Variants in RNF13 observed in about 807,000 individuals in gnomAD.
RNF13 encodes ring finger protein 13, also known as E3 ubiquitin-protein ligase RNF13.
In RNF13, 19 loss-of-function variants were observed where a neutral mutation model predicts 37.7. The ratio of observed to expected loss-of-function variants is 0.50; its 90% CI spans 0.35 to 0.74. The LOEUF (loss-of-function observed/expected upper bound fraction) is 0.74. Among genes scored for constraint, RNF13 ranks in the 30% least tolerant of loss-of-function variants. RNF13 has a pLI of 0.01. For synonymous variants in RNF13, 144 were observed against 157.8 expected (o/e 0.91, Z 0.65); for missense variants, 375 against 453.0 (o/e 0.83, Z 1.56).
At chr3:149,864,994 A>G (rs545065646) in intron 3 of RNF13, among the ~76,000 whole-genome samples, 1 of 152,256 alleles carries the variant, frequency 6.6e-6, no homozygotes, top group East Asian at 1.9e-4. Flanking sequence ...GAAGATATTT[A>G]TTAATTTATA....
chr3:149,937,958 C>T (rs987764591), intron 8 of RNF13, among the ~76,000 whole-genome samples: 2 of 151,994 alleles, frequency 1.3e-5, no homozygotes, highest in African/African-American at 4.8e-5. Flanking sequence ...ACTGGTGCTG[C>T]TGTTGAGTTC....
chr3:149,941,218 A>C (rs1720224819), intron 8 of RNF13, among the ~76,000 whole-genome samples: 1 of 152,120 alleles, frequency 6.6e-6, no homozygotes, highest in African/African-American at 2.4e-5. Flanking sequence ...ATATATCCAG[A>C]AGTGGGATTG....
intron 5 of RNF13, 53 bp from the exon 6 acceptor site, chr3:149,902,018 GA>G: frequency 1.3e-6 from 1 of 753,328 alleles, no homozygotes; most frequent in African/African-American, 1.8e-5. Context: ...AAGAAAAGTT[GA>G]TTATACACTA....
At position 149,938,726 on chromosome 3, in the gene RNF13, C is replaced by T. The variant is rs562613119; in HGVS notation, c.700+17499C>T. Among the ~76,000 whole-genome samples the T allele has an allele frequency of 6.6e-5, 10 of 152,138 alleles. 1 individual carries two copies. In the South Asian group the frequency reaches 1.9e-3, roughly 28 times the overall value. ...TCACATGTATATTTTTGCCTCCCCA[C>T]CATTTCCATGTCTGACCACCACTAC... On this transcript the variant is annotated intron_variant, in intron 8 of 9. Transcript: ENST00000392894.
chr3:149,939,660 C>T lies in RNF13; in HGVS notation c.700+18433C>T, dbSNP rs1405302041. Reference sequence around the variant, plus strand: ...CCTTTGCTCCAGTCCCTGAAATCACCGTTCTTAAAGATAACTGGTGCTCAT... The same window carrying T: ...CCTTTGCTCCAGTCCCTGAAATCACTGTTCTTAAAGATAACTGGTGCTCAT... On this transcript the variant is annotated intron_variant, in intron 8 of 9. Transcript: ENST00000392894. 1.7e-5 allele frequency: 12 copies of T among 712,050 alleles called. No homozygotes were observed. The East Asian group carries it at 2.6e-4, about 16-fold the overall frequency. The allele number at this position is 712,050 out of a possible 1,614,324, so 44.1% of individuals were successfully genotyped here.
chr3:149,840,875 A>C (rs1391193007), intron 1 of RNF13, among the ~76,000 whole-genome samples: 1 of 152,208 alleles, frequency 6.6e-6, no homozygotes. Context: ...TAAACCTTTC[A>C]TACCTACCAA....
At chr3:149,923,637 G>A (rs1021659000) in intron 8 of RNF13, among the ~76,000 whole-genome samples, 4 of 151,614 alleles carry the variant, frequency 2.6e-5, no homozygotes, top group East Asian at 1.9e-4. Flanking sequence ...GTGGTGGTGC[G>A]TGCCTGTAGT....
intron 3 of RNF13, among the ~76,000 whole-genome samples, chr3:149,862,612 A>G (rs1724373995): frequency 6.6e-6 from 1 of 152,092 alleles, no homozygotes. Flanking sequence ...ACATATTCCT[A>G]ATTCATTTTA....
intron 2 of RNF13, 110 bp from the exon 3 acceptor site, chr3:149,852,406 A>G (rs1387261857): frequency 1.1e-5 from 5 of 473,184 alleles, no homozygotes; most frequent in Non-Finnish European, 1.9e-5. Flanking sequence ...ATAAGCTGTG[A>G]TAGTAATCAG....
chr3:149,829,696 A>G (rs908087578), intron 1 of RNF13, among the ~76,000 whole-genome samples: 5 of 152,340 alleles, frequency 3.3e-5, no homozygotes, highest in African/African-American at 1.2e-4. Context: ...CTGATGTAAC[A>G]CTTTTGCTTA....
intron 4 of RNF13, among the ~76,000 whole-genome samples, chr3:149,893,049 T>A (rs1576833983): frequency 6.6e-6 from 1 of 152,164 alleles, no homozygotes; most frequent in African/African-American, 2.4e-5. Context: ...AGAAAGCAAC[T>A]GACCTGTTTG....
intron 1 of RNF13, among the ~76,000 whole-genome samples, chr3:149,827,286 A>G (rs1339819310): frequency 6.6e-6 from 1 of 152,250 alleles, no homozygotes; most frequent in Non-Finnish European, 1.5e-5. Context: ...GGAGGTGCGT[A>G]GGTTATATGC....
At chr3:149,885,080 T>C (rs1018507878) in intron 4 of RNF13, among the ~76,000 whole-genome samples, 1 of 152,198 alleles carries the variant, frequency 6.6e-6, no homozygotes, top group African/African-American at 2.4e-5. Flanking sequence ...AATGGCTGAA[T>C]AGTACTCCAT....
At chr3:149,941,830 T>G (rs1720310717) in intron 8 of RNF13, among the ~76,000 whole-genome samples, 1 of 151,766 alleles carries the variant, frequency 6.6e-6, no homozygotes, top group South Asian at 2.1e-4. Flanking sequence ...GCCTTACATT[T>G]AGGTCTTTAA....
At chr3:149,880,675 T>C (rs942364768) in intron 4 of RNF13, among the ~76,000 whole-genome samples, 13 of 152,300 alleles carry the variant, frequency 8.5e-5, no homozygotes, top group Admixed American at 3.9e-4. Context: ...CATTTTATTA[T>C]CTTTAGTACT....
At position 149,960,188 on chromosome 3, in the gene RNF13, G is replaced by C. The variant is rs1046492733; in HGVS notation, c.781+52G>C. 6 of 1,231,682 alleles carry C rather than the reference G, an allele frequency of 4.9e-6. No homozygotes were observed. The African/African-American group carries it at 9.0e-5, about 18-fold the overall frequency. 76.3% of individuals were successfully genotyped at this position (1,231,682 alleles called of 1,614,324 possible). A position where few individuals can be genotyped will look rare whatever the true frequency, so the allele number is the denominator to read the frequency against. On this transcript the variant is annotated intron_variant, in intron 9 of 9. Transcript: ENST00000392894. ...ATTTACATATAGTAATTTATATTTA[G>C]GTTCCATATTCCAGGGGAAGAGATG...
chr3:149,858,204 A>G (rs1193386780), intron 3 of RNF13, among the ~76,000 whole-genome samples: 1 of 152,216 alleles, frequency 6.6e-6, no homozygotes, highest in East Asian at 1.9e-4. Flanking sequence ...CATGAGCTAA[A>G]TAAAACTCCT....
chr3:149,959,584 C>A (rs907942090), intron 8 of RNF13, among the ~76,000 whole-genome samples: 1 of 152,308 alleles, frequency 6.6e-6, no homozygotes, highest in East Asian at 1.9e-4. Context: ...AAGCAACTTG[C>A]CAAGCACCAC....
intron 8 of RNF13, among the ~76,000 whole-genome samples, chr3:149,958,064 T>C (rs1167660454): frequency 6.6e-6 from 1 of 152,196 alleles, no homozygotes; most frequent in Non-Finnish European, 1.5e-5. Flanking sequence ...CTTGGAACAA[T>C]TCAAAGGATT....
Sources: allele counts gnomAD v4.1 joint callset (sites outside exome capture counted in the v4.1 genomes callset), GRCh38; gene constraint gnomAD v4.1.1; transcripts MANE v1.5; gene names NCBI Gene and HGNC (gene_info 2026-07-23, HGNC 2026-07-21).